TOGARAM1: variants seen among roughly 807,000 people sequenced by gnomAD.
TOGARAM1 encodes the protein TOG array regulator of axonemal microtubules 1, also known as TOG array regulator of axonemal microtubules protein 1.
Under a neutral mutation model 166.6 loss-of-function variants are expected in TOGARAM1, and 100 were observed. The ratio of observed to expected loss-of-function variants is 0.60; its 90% confidence interval spans 0.51 to 0.71. The LOEUF (loss-of-function observed/expected upper bound fraction) is 0.71. TOGARAM1 is among the 30% of genes least tolerant of loss of function. The pLI is 0.00. For synonymous variants in TOGARAM1, 758 were observed against 763.8 expected (o/e 0.99, Z 0.13); for missense variants, 2,029 against 2,102.7 (o/e 0.96, Z 0.69).
intron 17 of TOGARAM1, among the ~76,000 whole-genome samples, chr14:45,067,212 T>C (rs1883177891): frequency 6.6e-6 from 1 of 152,068 alleles, no homozygotes; most frequent in Non-Finnish European, 1.5e-5. Flanking sequence ...AGTAAGAGGA[T>C]AGCTATTTAT....
chr14:45,059,435 C>G (rs953832155), intron 16 of TOGARAM1, among the ~76,000 whole-genome samples: 2 of 152,104 alleles, frequency 1.3e-5, no homozygotes, highest in African/African-American at 4.8e-5. Context: ...ATTGCCTGAG[C>G]TCAGAAGTTC....
chr14:45,020,670 A>G (rs1954239361), intron 7 of TOGARAM1, among the ~76,000 whole-genome samples: 1 of 152,272 alleles, frequency 6.6e-6, no homozygotes, highest in South Asian at 2.1e-4. Flanking sequence ...AAACAGTGAT[A>G]GGCTGAGGTA....
Position 44,995,812 on chromosome 14 carries a change from G to T in TOGARAM1, c.2113G>T (p.Asp705Tyr), listed in dbSNP as rs1887384658. Reference protein sequence around the residue: ...KLSQGMPVNDDLCFSRKRVSR... With the variant: ...KLSQGMPVNDYLCFSRKRVSR... ...TTCTCAAGGAATGCCAGTCAATGAT[G>T]ATTTATGTTTTAGCAGAAAAAGAGT... Residue 705 changes from aspartate (D) to tyrosine (Y), a missense_variant, in exon 2 of 20, where the codon GAT becomes TAT. Physicochemically the swap from Asp to Tyr is radical, Grantham distance 160. This residue lies in a region of TOGARAM1 where 1,453 missense variants were observed against 1,432.2 expected (regional missense o/e 1.01). Transcript: ENST00000361462. The T allele has an allele frequency of 6.2e-7, 1 of 1,606,668 alleles. No individual in the cohort carries two copies. The highest frequency in any genetic ancestry group is 1.1e-5 in the South Asian group (1 of 89,162).
intron 7 of TOGARAM1, among the ~76,000 whole-genome samples, chr14:45,023,629 C>T (rs1010975935): frequency 6.6e-6 from 1 of 152,190 alleles, no homozygotes; most frequent in African/African-American, 2.4e-5. Flanking sequence ...GTAAGGACCC[C>T]TAGAGCTATT....
intron 7 of TOGARAM1, among the ~76,000 whole-genome samples, chr14:45,016,106 A>C (rs1880119252): frequency 6.6e-6 from 1 of 152,110 alleles, no homozygotes; most frequent in Non-Finnish European, 1.5e-5. Flanking sequence ...TTAAAAAAAT[A>C]CTTGTCAGGC....
chr14:44,988,187 T>G (rs1886948965), intron 1 of TOGARAM1, among the ~76,000 whole-genome samples: 1 of 151,908 alleles, frequency 6.6e-6, no homozygotes, highest in Non-Finnish European at 1.5e-5. Context: ...CACACCAACA[T>G]GGCACATGTA....
At position 44,964,106 on chromosome 14, in the gene TOGARAM1, G is replaced by T. The variant is rs139118130; in HGVS notation, c.1685G>T (p.Gly562Val). 8.7e-5 allele frequency: 140 copies of T among 1,614,204 alleles called. 2 individuals are homozygous for T. The Middle Eastern group carries it at 1.2e-3, about 13-fold the overall frequency. ...GATACAGTTGAACTGCAAGATAATG[G>T]AGATGGAGTGATGAATGCTGTGCAG... ...AVDTVELQDN[G>V]DGVMNAVQAR... Residue 562 changes from glycine to valine, a missense_variant, in exon 1 of 20, where the codon GGA (glycine) becomes GTA (valine). Physicochemically the swap from Gly to Val is moderately radical, Grantham distance 109 (BLOSUM62 -3). Around this residue, in one of 2 missense-constraint regions of TOGARAM1, gnomAD observed 1,453 missense variants for 1,432.2 expected, o/e 1.01. Coordinates refer to ENST00000361462, the MANE Select transcript of TOGARAM1 (RefSeq NM_001308120.2).
intron 13 of TOGARAM1, among the ~76,000 whole-genome samples, chr14:45,045,684 CAT>C (rs1318134912): frequency 6.9e-5 from 6 of 87,406 alleles, no homozygotes; most frequent in Non-Finnish European, 1.2e-4. Context: ...TATATATACA[CAT>C]ATATACACAT....
chr14:44,962,331 G>A lies in TOGARAM1; in HGVS notation c.-91G>A. The stretch of plus-strand genomic sequence containing the variant: ...GTTCTTTTGCCTCTTCTGCAGCTTG[G>A]GGCTTGGAGAGGATCTGGAAGTCTG... On this transcript the variant is annotated 5_prime_UTR_variant, in exon 1 of 20. Transcript: ENST00000361462. 1 of 1,422,824 alleles carries A rather than the reference G, an allele frequency of 7.0e-7. No individual in the cohort carries two copies. The highest frequency in any genetic ancestry group is 9.2e-7 in the Non-Finnish European group (1 of 1,081,436). 88.1% of individuals were successfully genotyped at this position (1,422,824 alleles called of 1,614,324 possible). A position where few individuals can be genotyped will look rare whatever the true frequency, so the allele number is the denominator to read the frequency against.
chr14:44,964,252 G>A lies in TOGARAM1; in HGVS notation c.1831G>A (p.Asp611Asn). Reference protein sequence around the residue: ...SNHLAHGADTDWLLAGNRTQS... With the variant: ...SNHLAHGADTNWLLAGNRTQS... ...CCATTTGGCACATGGAGCAGATACGGACTGGCTTTTGGCTGGTAACAGAAC... is the reference window on the plus strand; with the variant it reads ...CCATTTGGCACATGGAGCAGATACGAACTGGCTTTTGGCTGGTAACAGAAC... Residue 611 changes from aspartate (D) to asparagine (N), a missense_variant, in exon 1 of 20, where the codon GAC (aspartate) becomes AAC (asparagine). Coordinates refer to ENST00000361462, the MANE Select transcript of TOGARAM1 (RefSeq NM_001308120.2). 1 of 1,614,190 alleles carries A rather than the reference G, an allele frequency of 6.2e-7. No individual in the cohort carries two copies. Among genetic ancestry groups the A allele is most frequent in the South Asian group, 1.1e-5 (1 of 91,078 alleles).
At position 45,028,412 on chromosome 14, in the gene TOGARAM1, T is replaced by C. The variant is rs1195424507; in HGVS notation, c.3658+83T>C. 15 of 1,369,274 alleles carry C rather than the reference T, an allele frequency of 1.1e-5. No individual in the cohort carries two copies. In the South Asian group the frequency reaches 1.3e-4, roughly 12 times the overall value. The allele number at this position is 1,369,274 out of a possible 1,614,324, so 84.8% of individuals were successfully genotyped here. On this transcript the variant is annotated intron_variant, in intron 10 of 19. Coordinates refer to ENST00000361462, the MANE Select transcript of TOGARAM1 (RefSeq NM_001308120.2). ...AAATGAGGTTTCACTGAGGGTAATA[T>C]ATGACTAAGAATGAAATATCTTATA... is the stretch of plus-strand genomic sequence containing the variant.
Position 45,068,635 on chromosome 14 carries a change from A to G in TOGARAM1, c.4961A>G (p.Gln1654Arg). The G allele has an allele frequency of 2.5e-6, 4 of 1,585,406 alleles. No individual in the cohort carries two copies. The highest frequency in any genetic ancestry group is 1.8e-5 in the Admixed American group (1 of 55,146). ...ACAAATGTTGTTCAGGCACTGAGTC[A>G]GCATGTAGGTAAGAAATCTTACTTC... Reference protein sequence around the residue: ...AATNVVQALSQHVDNYLLLQP... With the variant: ...AATNVVQALSRHVDNYLLLQP... Residue 1654 changes from glutamine (Q) to arginine (R), a missense_variant, in exon 18 of 20, where the codon CAG (glutamine) becomes CGG (arginine). Transcript: ENST00000361462.
In TOGARAM1 at chr14:45,004,153, G is replaced by C. The variant is rs1341227542; in HGVS notation, c.2431G>C (p.Gly811Arg). 3 of 1,613,962 alleles carry C rather than the reference G, an allele frequency of 1.9e-6. No homozygotes were observed. In the African/African-American group the frequency reaches 4.0e-5, roughly 22 times the overall value. ...CTCAAATGGTCAAAATCCAAGTCCA[G>C]GAGCTTACATCCTTCCATCCTATCC... The part of the protein sequence containing the change: ...TSSNGQNPSP[G>R]AYILPSYPVS... Residue 811 changes from glycine to arginine, a missense_variant, in exon 4 of 20, where the codon GGA becomes CGA. By Grantham distance (125) the Gly-to-Arg change is moderately radical. This residue lies in a region of TOGARAM1 where 1,453 missense variants were observed against 1,432.2 expected (regional missense o/e 1.01). Coordinates refer to ENST00000361462, the MANE Select transcript of TOGARAM1 (RefSeq NM_001308120.2).
chr14:45,033,488 A>G (rs1881275349), intron 11 of TOGARAM1, among the ~76,000 whole-genome samples: 1 of 152,208 alleles, frequency 6.6e-6, no homozygotes, highest in Non-Finnish European at 1.5e-5. Context: ...CTGTGTTTCT[A>G]TAAAACTTTA....
At chr14:45,043,588 C>T in intron 11 of TOGARAM1, 98 bp from the exon 12 acceptor site, 2 of 754,706 alleles carry the variant, frequency 2.7e-6, no homozygotes, top group Non-Finnish European at 4.6e-6. Context: ...TGAACCTCTT[C>T]CTTGGCAATA....
intron 12 of TOGARAM1, 27 bp downstream of exon 12, chr14:45,043,818 G>C (rs749665802): frequency 2.6e-5 from 33 of 1,286,308 alleles, no homozygotes; most frequent in Non-Finnish European, 1.5e-5. Flanking sequence ...GATGAGTTAA[G>C]GATTGTTAGA....
intron 14 of TOGARAM1, among the ~76,000 whole-genome samples, chr14:45,049,809 C>G (rs576595207): frequency 1.3e-5 from 2 of 151,942 alleles, no homozygotes; most frequent in South Asian, 4.2e-4. Context: ...AAAGGATGTT[C>G]TTTTCTCCCT....
At chr14:45,008,787 C>T (rs1879611889) in intron 5 of TOGARAM1, 126 bp from the exon 6 acceptor site, 1 of 634,782 alleles carries the variant, frequency 1.6e-6, no homozygotes, top group Non-Finnish European at 2.7e-6. Context: ...TAGTATTCAT[C>T]TTGTTTTAGT....
intron 11 of TOGARAM1, among the ~76,000 whole-genome samples, chr14:45,033,154 G>A (rs1436593318): frequency 6.6e-6 from 1 of 151,826 alleles, no homozygotes; most frequent in African/African-American, 2.4e-5. Context: ...TTGGGAGACT[G>A]AGGCAGGAGA....
Sources: gnomAD v4.1 joint callset for allele counts (sites outside exome capture counted in the v4.1 genomes callset) on GRCh38, gnomAD v4.1.1 for gene constraint, gnomAD v4.1.1 regional missense constraint, MANE v1.5 for transcripts, NCBI Gene and HGNC (gene_info 2026-07-23, HGNC 2026-07-21) for gene names.